NAA15: variants seen among roughly 807,000 people sequenced by gnomAD.
NAA15 encodes N-terminal acetyltransferase.
A neutral mutation model predicts 114.0 loss-of-function variants in NAA15; 34 were observed. The observed-to-expected ratio is 0.30, with a 90% CI of 0.23 to 0.40. NAA15 has a LOEUF of 0.40. NAA15 is among the 10% of genes least tolerant of loss of function. NAA15 has a pLI of 1.00. For missense variants in NAA15, 658 were observed against 1,004.5 expected (o/e 0.66, Z 4.66); for synonymous variants, 340 against 338.0 (o/e 1.01, Z -0.06).
Position 139,301,637 on chromosome 4 carries a change from C to A in NAA15, c.-141C>A. The A allele has an allele frequency of 1.1e-6, 1 of 922,500 alleles. No individual in the cohort carries two copies. The highest frequency in any genetic ancestry group is 1.6e-6 in the Non-Finnish European group (1 of 614,744). The allele number at this position is 922,500 out of a possible 1,614,324, so 57.1% of individuals were successfully genotyped here. On this transcript the variant is annotated 5_prime_UTR_variant, in exon 1 of 20. Coordinates refer to ENST00000296543, the MANE Select transcript of NAA15 (RefSeq NM_057175.5). ...AAAAGGAGGTGTCCGGGTAGGGCAACGCGGCGACACCCGAGGCCTGGTGGT... is the reference window on the plus strand; with the variant it reads ...AAAAGGAGGTGTCCGGGTAGGGCAAAGCGGCGACACCCGAGGCCTGGTGGT...
intron 2 of NAA15, among the ~76,000 whole-genome samples, chr4:139,335,510 C>T (rs892739090): frequency 5.9e-5 from 9 of 151,520 alleles, no homozygotes; most frequent in Non-Finnish European, 1.0e-4. Context: ...GGATTACAGG[C>T]GTGTGCCACC....
Position 139,349,342 on chromosome 4 carries a change from A to T in NAA15, c.692-120A>T, listed in dbSNP as rs575677370. The T allele has an allele frequency of 6.1e-6, 5 of 823,128 alleles. No individual in the cohort carries two copies. The African/African-American group carries it at 8.9e-5, about 15-fold the overall frequency. The allele number at this position is 823,128 out of a possible 1,614,324, so 51.0% of individuals were successfully genotyped here. A position where few individuals can be genotyped will look rare whatever the true frequency, so the allele number is the denominator to read the frequency against. On this transcript the variant is annotated intron_variant, in intron 6 of 19. Transcript: ENST00000296543. Reference sequence around the variant, plus strand: ...TCTTAAGGGAACTGGAACCAGGTCCATCCACTTAGCAGCACTGATTTATAA... The same window carrying T: ...TCTTAAGGGAACTGGAACCAGGTCCTTCCACTTAGCAGCACTGATTTATAA...
In NAA15 at chr4:139,315,001, T is replaced by TAAGGTTAGGTTAGGTTAGGTTAGG. The variant is rs1553992509; in HGVS notation, c.54+13170_54+13171insAAGGTTAGGTTAGGTTAGGTTAGG. On this transcript the variant is annotated intron_variant, in intron 1 of 19. Coordinates refer to ENST00000296543, the MANE Select transcript of NAA15 (RefSeq NM_057175.5). ...TAGAGAAGCGTTCAGTTCAGTTCAG[T>TAAGGTTAGGTTAGGTTAGGTTAGG]TTAGTTTAGGTTAGGTTAGGTTAGG... Among the ~76,000 whole-genome samples the TAAGGTTAGGTTAGGTTAGGTTAGG allele has an allele frequency of 2.7e-5, 2 of 74,356 alleles. 1 individual carries two copies. The allele number at this position is 74,356 out of a possible 152,430, so 48.8% of individuals were successfully genotyped here. A position where few individuals can be genotyped will look rare whatever the true frequency, so the allele number is the denominator to read the frequency against.
chr4:139,325,797 C>T (rs1746781684), intron 1 of NAA15, among the ~76,000 whole-genome samples: 1 of 152,108 alleles, frequency 6.6e-6, no homozygotes, highest in Admixed American at 6.5e-5. Flanking sequence ...TACAGGCATG[C>T]CACCATGCCC....
At chr4:139,371,229 A>G (rs1035299933) in intron 15 of NAA15, among the ~76,000 whole-genome samples, 1 of 152,142 alleles carries the variant, frequency 6.6e-6, no homozygotes, top group Non-Finnish European at 1.5e-5. Context: ...TGCCAAACAA[A>G]TAGAGTTGGA....
chr4:139,323,680 A>G (rs1411377587), intron 1 of NAA15, among the ~76,000 whole-genome samples: 1 of 152,214 alleles, frequency 6.6e-6, no homozygotes, highest in African/African-American at 2.4e-5. Flanking sequence ...GCTTCTAGAG[A>G]CAAATAGGGA....
At chr4:139,315,051 G>GTTAGTTTAGT (rs770420396) in intron 1 of NAA15, among the ~76,000 whole-genome samples, 7,770 of 111,786 alleles carry the variant, frequency 0.07, 604 homozygotes, top group Admixed American at 0.1. Context: ...GTTAGGTTAG[G>GTTAGTTTAGT]TTAGTTTAGT....
intron 19 of NAA15, chr4:139,386,666 TA>T (rs537996232): frequency 9.6e-4 from 142 of 147,684 alleles, no homozygotes; most frequent in Non-Finnish European, 1.2e-3. Flanking sequence ...CCCCATCTCT[TA>T]AAAAAAAAAA....
intron 17 of NAA15, among the ~76,000 whole-genome samples, chr4:139,383,633 G>C (rs779092438): frequency 4.7e-4 from 71 of 152,116 alleles, no homozygotes; most frequent in African/African-American, 1.6e-3. Context: ...ACCATGCCAG[G>C]CTAATTTTTT....
intron 1 of NAA15, among the ~76,000 whole-genome samples, chr4:139,320,552 ACT>A (rs1309036539): frequency 6.6e-6 from 1 of 151,482 alleles, no homozygotes; most frequent in East Asian, 1.9e-4. Context: ...ACGGAGTCTC[ACT>A]CTGTCGTCCA....
chr4:139,315,001 T>TCAGGTCAGGTTAGGTTAGGTTAGG (rs1553992509), intron 1 of NAA15, among the ~76,000 whole-genome samples: 1 of 74,356 alleles, frequency 1.3e-5, no homozygotes, highest in Non-Finnish European at 2.5e-5. Context: ...TTCAGTTCAG[T>TCAGGTCAGGTTAGGTTAGGTTAGG]TTAGTTTAGG....
intron 1 of NAA15, among the ~76,000 whole-genome samples, chr4:139,310,009 G>C (rs1746163150): frequency 6.6e-6 from 1 of 152,138 alleles, no homozygotes; most frequent in Admixed American, 6.6e-5. Context: ...ATGGTGCTCG[G>C]TGTGATTGGG....
At chr4:139,314,921 CT>C (rs1339509229) in intron 1 of NAA15, among the ~76,000 whole-genome samples, 1 of 151,748 alleles carries the variant, frequency 6.6e-6, no homozygotes, top group Non-Finnish European at 1.5e-5. Flanking sequence ...TGTGATCCGC[CT>C]GCCTCGGCCT....
Position 139,336,958 on chromosome 4 carries a change from CT to C in NAA15, c.244+11del. On this transcript the variant is annotated splice_region_variant and intron_variant, in intron 3 of 19. Transcript: ENST00000296543. ...TGACTTGAAGAGTCATGTGTGTATC[CT>C]TTTTGAGATATATTTAAGGTTTGAG... 1.3e-6 allele frequency: 2 copies of C among 1,553,132 alleles called. No homozygotes were observed. The highest frequency in any genetic ancestry group is 2.0e-5 in the Admixed American group (1 of 50,990).
In NAA15 at chr4:139,344,183, C is replaced by T. The variant is rs1377525832; in HGVS notation, c.538-3C>T. 1 of 1,604,630 alleles carries T rather than the reference C, an allele frequency of 6.2e-7. No individual in the cohort carries two copies. On this transcript the variant is annotated splice_region_variant and splice_polypyrimidine_tract_variant and intron_variant, in intron 5 of 19. Transcript: ENST00000296543. ...TGTCAGTATTCCTTATATCCATATA[C>T]AGACATCCCCTGACAAGGTGGATTA...
intron 11 of NAA15, among the ~76,000 whole-genome samples, chr4:139,357,768 C>T (rs1162151472): frequency 6.6e-6 from 1 of 152,148 alleles, no homozygotes; most frequent in South Asian, 2.1e-4. Flanking sequence ...CACACACATA[C>T]GTACATACAT....
chr4:139,359,744 A>G lies in NAA15; in HGVS notation c.1259A>G (p.His420Arg). 6.2e-7 allele frequency: 1 copy of G among 1,600,766 alleles called. No homozygotes were observed. Among genetic ancestry groups the G allele is most frequent in the Non-Finnish European group, 8.5e-7 (1 of 1,177,016 alleles). Residue 420 changes from histidine to arginine, a missense_variant and splice_region_variant, in exon 12 of 20, where the codon CAT (histidine) becomes CGT (arginine). This residue lies in a region of NAA15 where 281 missense variants were observed against 389.1 expected (regional missense o/e 0.72). Transcript: ENST00000296543. ...LFLVKAKIYK[H>R]AGNIKEAARW... The stretch of plus-strand genomic sequence containing the variant: ...TATTTTGCTTTTGTACCTTATAAGC[A>G]TGCTGGAAATATTAAAGAAGCTGCA...
intron 17 of NAA15, among the ~76,000 whole-genome samples, chr4:139,382,981 T>C (rs1381658369): frequency 1.3e-5 from 2 of 152,208 alleles, no homozygotes; most frequent in African/African-American, 4.8e-5. Context: ...AAAAATAGAA[T>C]AGTGTAGAAA....
chr4:139,332,384 C>T (rs1747043484), intron 1 of NAA15, among the ~76,000 whole-genome samples: 1 of 151,764 alleles, frequency 6.6e-6, no homozygotes, highest in African/African-American at 2.4e-5. Flanking sequence ...CCGCCTCGGC[C>T]TCCAAAAGTG....
Sources: allele counts gnomAD v4.1 joint callset (sites outside exome capture counted in the v4.1 genomes callset), GRCh38; gene constraint gnomAD v4.1.1; regional missense constraint gnomAD v4.1.1; transcripts MANE v1.5; gene names NCBI Gene and HGNC (gene_info 2026-07-23, HGNC 2026-07-21).